Variants in GRID1 observed in about 807,000 individuals in gnomAD.
GRID1 encodes the protein glutamate ionotropic receptor delta type subunit 1, also known as glutamate receptor ionotropic, delta-1.
GRID1 carries 28 observed loss-of-function variants against 98.0 expected under a neutral mutation model. The observed-to-expected ratio is 0.29, with a 90% CI of 0.21 to 0.39. The LOEUF is 0.39. Ranked by LOEUF, GRID1 falls within the 10% of genes least tolerant of loss-of-function variation. GRID1 has a pLI of 1.00. For missense variants in GRID1, 1,111 were observed against 1,340.5 expected (o/e 0.83, Z 2.67); for synonymous variants, 553 against 538.5 (o/e 1.03, Z -0.37).
At chr10:85,643,505 C>A (rs889716659) in intron 13 of GRID1, among the ~76,000 whole-genome samples, 1 of 152,068 alleles carries the variant, frequency 6.6e-6, no homozygotes, top group Non-Finnish European at 1.5e-5. Flanking sequence ...GCAGAGGGGC[C>A]GCTCCATAGG....
intron 14 of GRID1, among the ~76,000 whole-genome samples, chr10:85,614,633 C>T (rs547190693): frequency 2.4e-4 from 36 of 152,008 alleles, no homozygotes; most frequent in African/African-American, 8.7e-4. Context: ...TGGGGTAGCA[C>T]TTAGCACATT....
intron 5 of GRID1, among the ~76,000 whole-genome samples, chr10:85,890,479 A>G (rs2131808948): frequency 6.6e-6 from 1 of 152,340 alleles, no homozygotes. Flanking sequence ...AAGAAACTCC[A>G]TTAACTCAGA....
chr10:85,753,303 T>A (rs1001231673), intron 8 of GRID1, among the ~76,000 whole-genome samples: 2 of 152,194 alleles, frequency 1.3e-5, no homozygotes, highest in African/African-American at 4.8e-5. Flanking sequence ...TGAGAAGCAC[T>A]GCCATGTGTG....
chr10:85,987,231 G>A (rs1842619234), intron 4 of GRID1, among the ~76,000 whole-genome samples: 2 of 152,102 alleles, frequency 1.3e-5, no homozygotes, highest in South Asian at 4.2e-4. Flanking sequence ...AGCCTGGACT[G>A]CCAGGATCGA....
At chr10:86,216,381 G>C (rs1259981216) in intron 2 of GRID1, among the ~76,000 whole-genome samples, 2 of 152,196 alleles carry the variant, frequency 1.3e-5, no homozygotes, top group African/African-American at 2.4e-5. Flanking sequence ...TGAAATATCA[G>C]TGTTTCAAGG....
intron 8 of GRID1, among the ~76,000 whole-genome samples, chr10:85,792,400 C>A (rs554020430): frequency 1.3e-5 from 2 of 152,276 alleles, no homozygotes; most frequent in East Asian, 3.9e-4. Flanking sequence ...GGAGCCCTGG[C>A]GAGGTGCCTT....
chr10:85,703,061 G>A (rs886751133), intron 12 of GRID1, among the ~76,000 whole-genome samples: 3 of 151,890 alleles, frequency 2.0e-5, no homozygotes, highest in African/African-American at 7.3e-5. Context: ...AAAGAGGAGA[G>A]GAAAATCAAT....
At chr10:85,657,064 G>T (rs1393854293) in intron 12 of GRID1, among the ~76,000 whole-genome samples, 2 of 152,054 alleles carry the variant, frequency 1.3e-5, no homozygotes, top group Non-Finnish European at 2.9e-5. Flanking sequence ...CCCACCTTGG[G>T]GTTTCTGTGG....
chr10:85,708,454 A>C (rs908290715), intron 12 of GRID1, among the ~76,000 whole-genome samples: 1 of 152,160 alleles, frequency 6.6e-6, no homozygotes, highest in Admixed American at 6.5e-5. Context: ...AATACAATAC[A>C]TGCTGATTCC....
At chr10:86,040,775 T>A (rs1187610334) in intron 4 of GRID1, among the ~76,000 whole-genome samples, 1 of 152,200 alleles carries the variant, frequency 6.6e-6, no homozygotes, top group East Asian at 1.9e-4. Flanking sequence ...AAATGACCAA[T>A]GTTTAAGGTG....
rs942436643 is a variant in GRID1, at chr10:86,292,433, G to A, written c.235+71508C>T. 1.1e-4 allele frequency among the ~76,000 whole-genome samples: 17 copies of A among 152,348 alleles called. No individual in the cohort carries two copies. In the East Asian group the frequency reaches 3.3e-3, roughly 29 times the overall value. On this transcript the variant is annotated intron_variant, in intron 2 of 15. Transcript: ENST00000327946. ...ACATGCCCTAGGGAAGCATCACCAT[G>A]CCGGGAAGAAAGTCTCAGTTCTCAG...
intron 8 of GRID1, among the ~76,000 whole-genome samples, chr10:85,747,128 C>T (rs555912811): frequency 1.3e-5 from 2 of 152,208 alleles, no homozygotes; most frequent in African/African-American, 4.8e-5. Context: ...AGACTTGAGG[C>T]TCAGAACGGT....
chr10:86,264,842 G>A (rs1171918915), intron 2 of GRID1: 10 of 451,992 alleles, frequency 2.2e-5, no homozygotes, highest in South Asian at 6.6e-5. Context: ...CCCTGCAGAC[G>A]AGGAAGCCCT....
In GRID1 at chr10:86,103,037, G is replaced by T. The variant is rs1370921548; in HGVS notation, c.726+35782C>A. 3.3e-5 allele frequency among the ~76,000 whole-genome samples: 5 copies of T among 152,264 alleles called. No homozygotes were observed. The East Asian group carries it at 9.6e-4, about 29-fold the overall frequency. ...CTTCACCTTCTGCCATGATTGTGAG[G>T]CCTCCCTAGCCATGTGGAACTGTGA... is the stretch of plus-strand genomic sequence containing the variant. On this transcript the variant is annotated intron_variant, in intron 4 of 15. Transcript: ENST00000327946.
At chr10:85,948,327 C>T (rs776279584) in intron 4 of GRID1, among the ~76,000 whole-genome samples, 1 of 151,980 alleles carries the variant, frequency 6.6e-6, no homozygotes, top group Non-Finnish European at 1.5e-5. Context: ...ACATCTAGTC[C>T]AAGGAAGAGG....
At chr10:85,645,808 C>T (rs1373749912) in intron 13 of GRID1, 2 of 152,270 alleles carry the variant, frequency 1.3e-5, no homozygotes, top group African/African-American at 2.4e-5. Context: ...CTGTGCACGA[C>T]CATCTTCCCA....
At chr10:85,651,097 T>C (rs930706457) in intron 12 of GRID1, among the ~76,000 whole-genome samples, 1 of 152,198 alleles carries the variant, frequency 6.6e-6, no homozygotes, top group African/African-American at 2.4e-5. Context: ...GTGATTCTGA[T>C]GCATGCAAGC....
At chr10:86,137,231 T>C (rs1844940840) in intron 4 of GRID1, among the ~76,000 whole-genome samples, 1 of 152,252 alleles carries the variant, frequency 6.6e-6, no homozygotes, top group South Asian at 2.1e-4. Context: ...AGAAAACAGA[T>C]GCTTCTTGAA....
chr10:86,348,540 C>G (rs983583461), intron 2 of GRID1, among the ~76,000 whole-genome samples: 1 of 152,230 alleles, frequency 6.6e-6, no homozygotes, highest in Non-Finnish European at 1.5e-5. Flanking sequence ...TGCAGGCCAG[C>G]AGCCACAGGG....
Sources: allele counts gnomAD v4.1 joint callset (sites outside exome capture counted in the v4.1 genomes callset), GRCh38; gene constraint gnomAD v4.1.1; transcripts MANE v1.5; gene names NCBI Gene and HGNC (gene_info 2026-07-23, HGNC 2026-07-21).